Variants in PRUNE2 observed in about 807,000 individuals in gnomAD.
The protein encoded by PRUNE2 is prune homolog 2 with BCH domain.
A neutral mutation model predicts 252.0 loss-of-function variants in PRUNE2; 164 were observed. The observed-to-expected ratio is 0.65, with a 90% confidence interval of 0.57 to 0.74. The LOEUF (loss-of-function observed/expected upper bound fraction) is 0.74, where lower values mean the gene tolerates loss of function less well. PRUNE2 is among the 30% of genes least tolerant of loss of function. The pLI is 0.00. For synonymous variants in PRUNE2, 1,292 were observed against 1,350.2 expected (o/e 0.96, Z 0.94); for missense variants, 3,495 against 3,711.0 (o/e 0.94, Z 1.51).
At chr9:76,856,755 TTTC>T (rs1172611867) in intron 1 of PRUNE2, among the ~76,000 whole-genome samples, 3 of 151,902 alleles carry the variant, frequency 2.0e-5, no homozygotes, top group African/African-American at 7.3e-5. Flanking sequence ...CTCTTTTCTT[TTTC>T]TTTTTTTTTT....
At chr9:76,905,558 A>C (rs114155370) in intron 1 of PRUNE2, among the ~76,000 whole-genome samples, 1 of 152,250 alleles carries the variant, frequency 6.6e-6, no homozygotes, top group African/African-American at 2.4e-5. Flanking sequence ...TTCCTTTTAC[A>C]CTTACACGTA....
intron 11 of PRUNE2, among the ~76,000 whole-genome samples, chr9:76,650,793 C>A (rs1181201240): frequency 6.6e-6 from 1 of 152,122 alleles, no homozygotes; most frequent in African/African-American, 2.4e-5. Context: ...TGTTAATTAC[C>A]AGCTTGCCCA....
chr9:76,837,922 C>T (rs1442332900), intron 4 of PRUNE2, among the ~76,000 whole-genome samples: 2 of 151,692 alleles, frequency 1.3e-5, no homozygotes, highest in African/African-American at 4.8e-5. Flanking sequence ...CAGGCGCCTG[C>T]CACCACGCCC....
chr9:76,795,613 C>A (rs1422473568), intron 6 of PRUNE2, among the ~76,000 whole-genome samples: 1 of 152,082 alleles, frequency 6.6e-6, no homozygotes, highest in East Asian at 1.9e-4. Flanking sequence ...GTTTCTTGTA[C>A]ACGAGCCTAA....
intron 4 of PRUNE2, among the ~76,000 whole-genome samples, chr9:76,837,883 T>G (rs978221843): frequency 6.6e-6 from 1 of 151,524 alleles, no homozygotes; most frequent in Non-Finnish European, 1.5e-5. Flanking sequence ...GCCATTCTCC[T>G]GCCTCAGCCT....
chr9:76,881,927 T>G (rs1405574617), intron 1 of PRUNE2, among the ~76,000 whole-genome samples: 1 of 152,164 alleles, frequency 6.6e-6, no homozygotes, highest in Non-Finnish European at 1.5e-5. Flanking sequence ...GGCCCTTTTC[T>G]GGGCATTTCA....
At chr9:76,619,878 A>G (rs923033441) in intron 17 of PRUNE2, among the ~76,000 whole-genome samples, 1 of 152,240 alleles carries the variant, frequency 6.6e-6, no homozygotes, top group Non-Finnish European at 1.5e-5. Context: ...AAATAACAGG[A>G]CACTTACCAC....
At chr9:76,844,034 A>ATTTCTTTTTTGT (rs2059540754) in intron 4 of PRUNE2, among the ~76,000 whole-genome samples, 1 of 152,124 alleles carries the variant, frequency 6.6e-6, no homozygotes, top group Non-Finnish European at 1.5e-5. Context: ...AGCCTACTTG[A>ATTTCTTTTTTGT]TTTCTTTTTT....
intron 1 of PRUNE2, among the ~76,000 whole-genome samples, chr9:76,872,220 CGCATCCCCTCCCTGA>C (rs1564478908): frequency 6.6e-6 from 1 of 152,180 alleles, no homozygotes; most frequent in African/African-American, 2.4e-5. Flanking sequence ...CCCTCCCCAC[CGCATCCCCTCCCTGA>C]GCTCCTCCTC....
In PRUNE2 at chr9:76,708,337, G is replaced by C. The variant is rs1050429756; in HGVS notation, c.3937C>G (p.Pro1313Ala). ...TCGCCATGACCTTTCCATGGATCTG[G>C]GTGTGGAAAATACCCTGGATTCTCA... is the stretch of plus-strand genomic sequence containing the variant. ...RLENPGYFPH[P>A]DPWKGHGDGQ... The change falls in exon 8 of 19, where the codon CCA (proline) becomes GCA (alanine). Residue 1313 changes from proline (P) to alanine (A), a missense_variant. By Grantham distance (27) the Pro-to-Ala change is conservative. Transcript: ENST00000376718. 6.2e-7 allele frequency: 1 copy of C among 1,613,566 alleles called. No homozygotes were observed. Among genetic ancestry groups the C allele is most frequent in the Non-Finnish European group, 8.5e-7 (1 of 1,179,852 alleles).
At chr9:76,732,205 T>A (rs1348320454) in intron 6 of PRUNE2, among the ~76,000 whole-genome samples, 1 of 151,992 alleles carries the variant, frequency 6.6e-6, no homozygotes, top group Non-Finnish European at 1.5e-5. Context: ...TCCCAGCTAC[T>A]GGGGGCTGAG....
At position 76,890,934 on chromosome 9, in the gene PRUNE2, T is replaced by C. The variant is rs142008351; in HGVS notation, c.36+14994A>G. Reference sequence around the variant, plus strand: ...GAATTAATCAAATGCTTAAGAAAGATTGGAAAACACAGGCAACCCAGGACC... The same window carrying C: ...GAATTAATCAAATGCTTAAGAAAGACTGGAAAACACAGGCAACCCAGGACC... On this transcript the variant is annotated intron_variant, in intron 1 of 18. Transcript: ENST00000376718. Among the ~76,000 whole-genome samples, 590 of 152,342 alleles carry C rather than the reference T, an allele frequency of 3.9e-3. 4 individuals carry two copies. Among genetic ancestry groups the C allele is most frequent in the African/African-American group, 0.014 (567 of 41,572 alleles).
At chr9:76,720,240 A>T (rs999284133) in intron 6 of PRUNE2, among the ~76,000 whole-genome samples, 9 of 152,206 alleles carry the variant, frequency 5.9e-5, no homozygotes, top group Non-Finnish European at 1.0e-4. Flanking sequence ...GACGTATTCA[A>T]ATAATACGTA....
chr9:76,704,473 C>T (rs138356928), intron 8 of PRUNE2, among the ~76,000 whole-genome samples: 24 of 152,346 alleles, frequency 1.6e-4, no homozygotes, highest in African/African-American at 4.1e-4. Flanking sequence ...GATCCCCCCT[C>T]CTTGGCCTCC....
intron 9 of PRUNE2, among the ~76,000 whole-genome samples, chr9:76,676,024 C>G (rs2042488963): frequency 6.7e-6 from 1 of 149,788 alleles, no homozygotes; most frequent in Admixed American, 6.7e-5. Context: ...ATGTAACTAA[C>G]CTGCACAATG....
chr9:76,640,754 A>G (rs1842238279), intron 12 of PRUNE2, among the ~76,000 whole-genome samples: 9 of 152,222 alleles, frequency 5.9e-5, no homozygotes, highest in Admixed American at 5.9e-4. Context: ...TAGCTATACT[A>G]ATCCTCATAC....
In PRUNE2 at chr9:76,704,090, T is replaced by C. The variant is rs145883751; in HGVS notation, c.7523A>G (p.Lys2508Arg). 13 of 1,584,556 alleles carry C rather than the reference T, an allele frequency of 8.2e-6. No individual in the cohort carries two copies. In the Admixed American group the frequency reaches 2.4e-4, roughly 29 times the overall value. ...TTCTTCTTCCAATTCTGATATTTCC[T>C]TGCTGGCACCTAGAAGTGGAAGTTG... ...GDIGPPNGAS[K>R]EISELEEEKT... Residue 2508 changes from lysine (K) to arginine (R), a missense_variant, in exon 9 of 19, where the codon AAG becomes AGG. Physicochemically the swap from Lys to Arg is conservative, Grantham distance 26. Transcript: ENST00000376718.
intron 1 of PRUNE2, among the ~76,000 whole-genome samples, chr9:76,886,638 C>T (rs1171990752): frequency 3.9e-5 from 6 of 152,144 alleles, no homozygotes; most frequent in Non-Finnish European, 8.8e-5. Flanking sequence ...ACTGTGTTCA[C>T]CTAATAAACC....
At chr9:76,636,355 G>A in intron 15 of PRUNE2, 116 bp downstream of exon 15, 1 of 666,062 alleles carries the variant, frequency 1.5e-6, no homozygotes, top group South Asian at 1.8e-5. Flanking sequence ...GAAAGACAGA[G>A]ACAAATATAT....
Sources: gnomAD v4.1 joint callset for allele counts (sites outside exome capture counted in the v4.1 genomes callset) on GRCh38, gnomAD v4.1.1 for gene constraint, MANE v1.5 for transcripts, NCBI Gene and HGNC (gene_info 2026-07-23, HGNC 2026-07-21) for gene names.